NFX1: variants seen among roughly 807,000 people sequenced by gnomAD.
The protein encoded by NFX1 is nuclear transcription factor, X-box binding 1, also known as transcriptional repressor NF-X1.
In NFX1, 69 loss-of-function variants were observed where a neutral mutation model predicts 137.2. That is an observed-to-expected ratio of 0.50 (90% confidence interval 0.41 to 0.61). The LOEUF is 0.61. Ranked by LOEUF, NFX1 falls within the 20% of genes least tolerant of loss-of-function variation. The pLI is 0.00. For missense variants in NFX1, 1,167 were observed against 1,391.0 expected, an observed-to-expected ratio of 0.84 and a Z score of 2.56; for synonymous variants, 495 against 474.1, an observed-to-expected ratio of 1.04 and a Z score of -0.57.
intron 4 of NFX1, 66 bp downstream of exon 4, chr9:33,303,334 T>C: frequency 7.2e-7 from 1 of 1,381,478 alleles, no homozygotes; most frequent in Admixed American, 1.7e-5. Flanking sequence ...TCAGGAAAGG[T>C]GGTCTGCGGG....
intron 19 of NFX1, 91 bp downstream of exon 19, chr9:33,354,983 A>G: frequency 8.3e-7 from 1 of 1,206,838 alleles, no homozygotes; most frequent in Non-Finnish European, 1.2e-6. Flanking sequence ...TCATTCACTC[A>G]GCACTGCGCT....
chr9:33,350,504 A>G (rs1823598975), intron 15 of NFX1, among the ~76,000 whole-genome samples: 1 of 152,122 alleles, frequency 6.6e-6, no homozygotes, highest in African/African-American at 2.4e-5. Flanking sequence ...CTAGTTACCT[A>G]GTTACATTTG....
rs1160019136 is a variant in NFX1, at chr9:33,342,822, A to G, written c.2192A>G (p.His731Arg). The G allele has an allele frequency of 1.9e-6, 3 of 1,613,568 alleles. No homozygotes were observed. The highest frequency in any genetic ancestry group is 2.2e-5 in the South Asian group (2 of 90,864). ...CGLHRCEEPCHRGNCQTCWQA... is the reference protein window; with the variant it reads ...CGLHRCEEPCRRGNCQTCWQA... ...CTTCATAGGTGTGAAGAACCTTGTC[A>G]TCGTGGAAACTGCCAGACATGCTGG... The change falls in exon 13 of 24, where the codon CAT becomes CGT. Residue 731 changes from histidine (H) to arginine (R), a missense_variant. Around this residue, in one of 3 missense-constraint regions of NFX1, gnomAD observed 488 missense variants for 691.5 expected, o/e 0.71. Transcript: ENST00000379540.
intron 10 of NFX1, among the ~76,000 whole-genome samples, chr9:33,330,207 A>G (rs1484404415): frequency 6.6e-6 from 1 of 152,202 alleles, no homozygotes; most frequent in Non-Finnish European, 1.5e-5. Context: ...TAGTCATTTT[A>G]GTGTATATCA....
intron 5 of NFX1, among the ~76,000 whole-genome samples, chr9:33,307,725 A>G (rs777825964): frequency 7.9e-5 from 12 of 151,860 alleles, no homozygotes; most frequent in African/African-American, 1.9e-4. Context: ...GGGAAAGACA[A>G]TTGTTTAGGG....
In NFX1 at chr9:33,331,174, T is replaced by TA. The variant is rs756804844; in HGVS notation, c.2005-1290dup. ...GAGCAAGACTGTCTCAAAAAAAAAA[T>TA]AAAAAAAATAAGCTGATAATTATCA... On this transcript the variant is annotated intron_variant, in intron 10 of 23. Coordinates refer to ENST00000379540, the MANE Select transcript of NFX1 (RefSeq NM_002504.6). 5.3e-5 allele frequency among the ~76,000 whole-genome samples: 8 copies of TA among 151,538 alleles called. No homozygotes were observed. In the East Asian group the frequency reaches 7.7e-4, roughly 15 times the overall value.
At chr9:33,345,552 T>TTA (rs1263353178) in intron 14 of NFX1, among the ~76,000 whole-genome samples, 1 of 152,204 alleles carries the variant, frequency 6.6e-6, no homozygotes, top group African/African-American at 2.4e-5. Flanking sequence ...GAATTATACC[T>TTA]TATATGTATT....
intron 3 of NFX1, 22 bp from the exon 4 acceptor site, chr9:33,303,169 C>G: frequency 6.2e-7 from 1 of 1,605,892 alleles, no homozygotes; most frequent in Non-Finnish European, 8.5e-7. Flanking sequence ...TTTATTTGGC[C>G]TACTCCCATT....
chr9:33,295,450 T>C (rs1334604529), intron 2 of NFX1, 23 bp downstream of exon 2: 1 of 1,570,016 alleles, frequency 6.4e-7, no homozygotes, highest in South Asian at 1.2e-5. Context: ...AGATAGGAAA[T>C]ATTTTGTTGT....
chr9:33,313,651 C>T lies in NFX1; in HGVS notation c.1449-3C>T. ...GCTGTCTTTACATCTATTGTCTTTA[C>T]AGGCACACAGTTCGCTGTGGTCAGG... is the stretch of plus-strand genomic sequence containing the variant. On this transcript the variant is annotated splice_region_variant and splice_polypyrimidine_tract_variant and intron_variant, in intron 6 of 23. Coordinates refer to ENST00000379540, the MANE Select transcript of NFX1 (RefSeq NM_002504.6). 2 of 1,613,952 alleles carry T rather than the reference C, an allele frequency of 1.2e-6. No homozygotes were observed. The highest frequency in any genetic ancestry group is 1.7e-6 in the Non-Finnish European group (2 of 1,179,880).
At chr9:33,354,312 A>G in intron 18 of NFX1, 125 bp downstream of exon 18, 2 of 760,168 alleles carry the variant, frequency 2.6e-6, no homozygotes, top group Non-Finnish European at 4.2e-6. Flanking sequence ...TATTCAATAG[A>G]CAATTTGATG....
chr9:33,329,968 A>G (rs1822741549), intron 10 of NFX1, among the ~76,000 whole-genome samples: 1 of 151,690 alleles, frequency 6.6e-6, no homozygotes, highest in South Asian at 2.1e-4. Context: ...TAATTTTTGT[A>G]TTTTTAGTAG....
intron 19 of NFX1, 33 bp from the exon 20 acceptor site, chr9:33,363,977 C>T (rs762841245): frequency 1.6e-5 from 23 of 1,463,780 alleles, no homozygotes; most frequent in Non-Finnish European, 2.1e-5. Flanking sequence ...CCCTCCCACT[C>T]CTTTTATTTG....
chr9:33,367,631 C>T lies in NFX1; in HGVS notation c.3290+12C>T. The T allele has an allele frequency of 1.9e-6, 3 of 1,612,124 alleles. No individual in the cohort carries two copies. Among genetic ancestry groups the T allele is most frequent in the Non-Finnish European group, 2.5e-6 (3 of 1,178,530 alleles). On this transcript the variant is annotated intron_variant, in intron 23 of 23. Transcript: ENST00000379540. ...CATCAGTCAGACAAGTAAGATTCTC[C>T]AGCTGCTTTCCAAGGGGACCTGTCT...
chr9:33,366,887 T>G (rs1166345153), intron 22 of NFX1, 113 bp downstream of exon 22: 6 of 1,328,998 alleles, frequency 4.5e-6, no homozygotes, highest in Non-Finnish European at 6.0e-6. Flanking sequence ...CTTGGAAAAG[T>G]AGAAGGAAAA....
intron 9 of NFX1, among the ~76,000 whole-genome samples, chr9:33,325,443 C>G (rs1403407685): frequency 6.6e-6 from 1 of 152,164 alleles, no homozygotes; most frequent in Non-Finnish European, 1.5e-5. Context: ...GCGGGTGGAT[C>G]ACGAGGTCAG....
At chr9:33,335,414 G>A (rs1316610944) in intron 11 of NFX1, among the ~76,000 whole-genome samples, 1 of 151,766 alleles carries the variant, frequency 6.6e-6, no homozygotes, top group East Asian at 1.9e-4. Context: ...TGTATTTTTA[G>A]TAGAGACGGG....
chr9:33,328,020 AT>A (rs1204397458), intron 9 of NFX1, among the ~76,000 whole-genome samples: 2 of 151,982 alleles, frequency 1.3e-5, no homozygotes, highest in Non-Finnish European at 1.5e-5. Context: ...TGTTTTTGTT[AT>A]TTGTTTTGAA....
intron 23 of NFX1, among the ~76,000 whole-genome samples, chr9:33,367,909 A>ATATC (rs2118711078): frequency 6.6e-6 from 1 of 152,298 alleles, no homozygotes; most frequent in African/African-American, 2.4e-5. Context: ...CATACCAGAT[A>ATATC]GTTTAAGACT....
Sources: gnomAD v4.1 joint callset for allele counts (sites outside exome capture counted in the v4.1 genomes callset) on GRCh38, gnomAD v4.1.1 for gene constraint, gnomAD v4.1.1 regional missense constraint, MANE v1.5 for transcripts, NCBI Gene and HGNC (gene_info 2026-07-23, HGNC 2026-07-21) for gene names.